TENM3: variants seen among roughly 807,000 people sequenced by gnomAD.
TENM3 encodes teneurin transmembrane protein 3.
In TENM3, 63 loss-of-function variants were observed where a neutral mutation model predicts 255.1. The ratio of observed to expected loss-of-function variants is 0.25; its 90% CI spans 0.20 to 0.30. The LOEUF (loss-of-function observed/expected upper bound fraction) is 0.30. TENM3 is among the 10% of genes least tolerant of loss of function. The probability of loss-of-function intolerance (pLI) is 1.00; values close to 1 mark genes in which losing one functional copy is unlikely to be tolerated. For missense variants in TENM3, 2,929 were observed against 3,461.1 expected, an observed-to-expected ratio of 0.85 and a Z score of 3.86; for synonymous variants, 1,306 against 1,322.3, an observed-to-expected ratio of 0.99 and a Z score of 0.27.
chr4:181,735,145 C>T, the TENM3 span, among the ~76,000 whole-genome samples: 3 of 151,960 alleles, frequency 2.0e-5, no homozygotes, highest in African/African-American at 7.3e-5. Context: ...ATCACTGTGG[C>T]TTTACCTCTA....
chr4:181,598,016 T>A, the TENM3 span, among the ~76,000 whole-genome samples: 1 of 152,166 alleles, frequency 6.6e-6, no homozygotes, highest in South Asian at 2.1e-4. Context: ...CTGGCAGATG[T>A]ATGATGTAGT....
At chr4:181,571,220 A>T in the TENM3 span, among the ~76,000 whole-genome samples, 1 of 152,186 alleles carries the variant, frequency 6.6e-6, no homozygotes, top group Admixed American at 6.5e-5. Flanking sequence ...GGAAAGTAGA[A>T]AGGAAAGGGA....
intron 1 of TENM3, among the ~76,000 whole-genome samples, chr4:182,188,194 T>C (rs1390396032): frequency 2.0e-5 from 3 of 152,174 alleles, no homozygotes; most frequent in African/African-American, 7.2e-5. Flanking sequence ...AAAACTTTGG[T>C]AAATAAAATG....
At chr4:181,460,510 T>G in the TENM3 span, among the ~76,000 whole-genome samples, 1 of 151,912 alleles carries the variant, frequency 6.6e-6, no homozygotes, top group Admixed American at 6.6e-5. Flanking sequence ...TAAAATATAT[T>G]TAATGTCATT....
chr4:182,392,166 G>T (rs934692959), intron 3 of TENM3, among the ~76,000 whole-genome samples: 1 of 152,176 alleles, frequency 6.6e-6, no homozygotes, highest in Non-Finnish European at 1.5e-5. Context: ...AAGGCTGTGG[G>T]ATGTGAACAG....
At chr4:182,328,158 G>A (rs1763528677) in intron 2 of TENM3, among the ~76,000 whole-genome samples, 1 of 152,128 alleles carries the variant, frequency 6.6e-6, no homozygotes, top group South Asian at 2.1e-4. Context: ...AACATTTGAA[G>A]ACTACCACTT....
intron 1 of TENM3, among the ~76,000 whole-genome samples, chr4:182,186,500 G>A (rs1329123142): frequency 6.6e-6 from 1 of 151,366 alleles, no homozygotes; most frequent in Non-Finnish European, 1.5e-5. Context: ...TAATTTGCTT[G>A]TTTTTAATAG....
the TENM3 span, among the ~76,000 whole-genome samples, chr4:181,715,890 T>A: frequency 6.6e-6 from 1 of 152,246 alleles, no homozygotes. Context: ...AATAATAGGA[T>A]CACACTTATT....
At chr4:182,023,496 AC>A in the TENM3 span, among the ~76,000 whole-genome samples, 1 of 152,178 alleles carries the variant, frequency 6.6e-6, no homozygotes, top group Non-Finnish European at 1.5e-5. Context: ...AGATATAAGT[AC>A]TCTGATTACC....
intron 3 of TENM3, among the ~76,000 whole-genome samples, chr4:182,595,612 G>A (rs1408789430): frequency 6.6e-6 from 1 of 152,136 alleles, no homozygotes; most frequent in African/African-American, 2.4e-5. Flanking sequence ...GAAGTTATAT[G>A]AGCAGTGGGA....
intron 3 of TENM3, among the ~76,000 whole-genome samples, chr4:182,487,490 C>A (rs1734872337): frequency 6.6e-6 from 1 of 151,894 alleles, no homozygotes; most frequent in Non-Finnish European, 1.5e-5. Context: ...AATTAATAAA[C>A]CCAGTTCTGG....
chr4:182,276,226 T>G (rs1199667269), intron 1 of TENM3, among the ~76,000 whole-genome samples: 1 of 152,218 alleles, frequency 6.6e-6, no homozygotes, highest in Non-Finnish European at 1.5e-5. Context: ...ATTTTCCACA[T>G]AAGCACAGAG....
At chr4:181,791,418 T>A in the TENM3 span, among the ~76,000 whole-genome samples, 4 of 152,222 alleles carry the variant, frequency 2.6e-5, no homozygotes, top group East Asian at 7.7e-4. Flanking sequence ...CAAATCATAA[T>A]TTTATAAAAT....
intron 3 of TENM3, among the ~76,000 whole-genome samples, chr4:182,482,551 G>T (rs188639523): frequency 6.6e-6 from 1 of 152,152 alleles, no homozygotes; most frequent in African/African-American, 2.4e-5. Context: ...TCACTGCACT[G>T]TAGGTTAGAA....
intron 7 of TENM3, among the ~76,000 whole-genome samples, chr4:182,676,467 G>C (rs186709827): frequency 6.6e-6 from 1 of 152,290 alleles, no homozygotes; most frequent in Non-Finnish European, 1.5e-5. Flanking sequence ...GAAAGAGTTG[G>C]ATCAGATGAT....
At chr4:182,031,373 GC>G in the TENM3 span, among the ~76,000 whole-genome samples, 290 of 152,182 alleles carry the variant, frequency 1.9e-3, 1 homozygote, top group Middle Eastern at 0.01. Context: ...TAGACATGTG[GC>G]CCTATTTCTG....
intron 23 of TENM3, among the ~76,000 whole-genome samples, chr4:182,774,195 C>T (rs1174577487): frequency 1.3e-5 from 2 of 152,160 alleles, no homozygotes; most frequent in Non-Finnish European, 2.9e-5. Flanking sequence ...AGCCTGTCTA[C>T]AATGACATTT....
chr4:181,693,372 A>T, the TENM3 span, among the ~76,000 whole-genome samples: 3 of 152,136 alleles, frequency 2.0e-5, no homozygotes, highest in Non-Finnish European at 2.9e-5. Context: ...ATCTAATCAG[A>T]TCCATCACCC....
the TENM3 span, among the ~76,000 whole-genome samples, chr4:181,628,459 G>A: frequency 6.6e-6 from 1 of 152,088 alleles, no homozygotes; most frequent in African/African-American, 2.4e-5. Context: ...GGGTTTTTAT[G>A]GTTTTAGGTC....
Sources: gnomAD v4.1 joint callset for allele counts (sites outside exome capture counted in the v4.1 genomes callset) on GRCh38, gnomAD v4.1.1 for gene constraint, MANE v1.5 for transcripts, NCBI Gene and HGNC (gene_info 2026-07-23, HGNC 2026-07-21) for gene names.